KCNV2: variants seen among roughly 807,000 people sequenced by gnomAD.
KCNV2 encodes the protein potassium voltage-gated channel subfamily V member 2.
A neutral mutation model predicts 37.0 loss-of-function variants in KCNV2; 65 were observed. That is an observed-to-expected ratio of 1.76 (90% CI 1.44 to 2.16). The LOEUF (loss-of-function observed/expected upper bound fraction) is 2.16. KCNV2 is among the 30% of genes most tolerant of loss of function. KCNV2 has a pLI of 0.00. For synonymous variants in KCNV2, 518 were observed against 328.6 expected (o/e 1.58, Z -6.23); for missense variants, 1,232 against 766.7 (o/e 1.61, Z -7.17).
intron 1 of KCNV2, among the ~76,000 whole-genome samples, chr9:2,726,182 C>T (rs978534988): frequency 5.3e-5 from 8 of 152,076 alleles, no homozygotes; most frequent in Admixed American, 3.9e-4. Context: ...ATGGCTTGGC[C>T]TATGGAATGT....
In KCNV2 at chr9:2,718,281, T is replaced by C. The variant is rs915176607; in HGVS notation, c.542T>C (p.Phe181Ser). Reference sequence around the variant, plus strand: ...CTCGACGGGCTGTGTCCGCGCCGCTTCCTGGAGGAGCTGGGCTACTGGGGC... The same window carrying C: ...CTCGACGGGCTGTGTCCGCGCCGCTCCCTGGAGGAGCTGGGCTACTGGGGC... ...LVLDGLCPRR[F>S]LEELGYWGVR... Residue 181 changes from phenylalanine (F) to serine (S), a missense_variant, in exon 1 of 2, where the codon TTC becomes TCC. Coordinates refer to ENST00000382082, the MANE Select transcript of KCNV2 (RefSeq NM_133497.4). 2 of 1,611,872 alleles carry C rather than the reference T, an allele frequency of 1.2e-6. No individual in the cohort carries two copies. Among genetic ancestry groups the C allele is most frequent in the Middle Eastern group, 3.3e-4 (2 of 6,034 alleles).
At chr9:2,721,293 T>C (rs916717936) in intron 1 of KCNV2, among the ~76,000 whole-genome samples, 1 of 152,210 alleles carries the variant, frequency 6.6e-6, no homozygotes, top group Non-Finnish European at 1.5e-5. Flanking sequence ...TGATCATCTG[T>C]ATTTATTTCT....
chr9:2,729,589 CAGCAAGCTGA>C lies in KCNV2; in HGVS notation c.1503_1512del (p.Ser501ArgfsTer15), dbSNP rs1820030325. Reference sequence around the variant, plus strand: ...TCTACAACAAGTTTTCTGATTACTACAGCAAGCTGAAGGCTTATGAGTATACCACCATACG... The same window carrying C: ...TCTACAACAAGTTTTCTGATTACTACAGGCTTATGAGTATACCACCATACG... On this transcript the variant is annotated frameshift_variant, in exon 2 of 2. Coordinates refer to ENST00000382082, the MANE Select transcript of KCNV2 (RefSeq NM_133497.4). LOFTEE classifies it high-confidence loss of function. 1 of 1,614,074 alleles carries C rather than the reference CAGCAAGCTGA, an allele frequency of 6.2e-7. No individual in the cohort carries two copies. The highest frequency in any genetic ancestry group is 8.5e-7 in the Non-Finnish European group (1 of 1,180,004).
chr9:2,719,631 C>T (rs185596526), intron 1 of KCNV2, among the ~76,000 whole-genome samples: 43 of 152,328 alleles, frequency 2.8e-4, no homozygotes, highest in Non-Finnish European at 5.9e-4. Context: ...AGAAGCATCT[C>T]AAACTGAAAC....
intron 1 of KCNV2, among the ~76,000 whole-genome samples, chr9:2,726,388 T>C (rs1374202882): frequency 2.0e-5 from 3 of 152,140 alleles, no homozygotes. Context: ...AAATAGAGAT[T>C]GAAGATATAC....
In KCNV2 at chr9:2,718,382, A is replaced by G; in HGVS notation, c.643A>G (p.Lys215Glu). 1 of 1,601,020 alleles carries G rather than the reference A, an allele frequency of 6.2e-7. No homozygotes were observed. The highest frequency in any genetic ancestry group is 8.5e-7 in the Non-Finnish European group (1 of 1,175,156). Residue 215 changes from lysine to glutamate, a missense_variant, in exon 1 of 2, where the codon AAG becomes GAG. Physicochemically the swap from Lys to Glu is moderately conservative, Grantham distance 56 (BLOSUM62 1). Transcript: ENST00000382082. ...GCGCGACGAGCTGAGCGAACGGCTC[A>G]AGATCCAGCACGAGCTGCGCGCGCA... Reference protein sequence around the residue: ...ERRDELSERLKIQHELRAQAQ... With the variant: ...ERRDELSERLEIQHELRAQAQ...
rs377667539 is a variant in KCNV2, at chr9:2,718,193, G to C, written c.454G>C (p.Asp152His). 1 of 1,613,320 alleles carries C rather than the reference G, an allele frequency of 6.2e-7. No individual in the cohort carries two copies. Among genetic ancestry groups the C allele is most frequent in the Non-Finnish European group, 8.5e-7 (1 of 1,179,846 alleles). The change falls in exon 1 of 2, where the codon GAC becomes CAC. Residue 152 changes from aspartate to histidine, a missense_variant. By Grantham distance (81) the Asp-to-His change is moderately conservative. Coordinates refer to ENST00000382082, the MANE Select transcript of KCNV2 (RefSeq NM_133497.4). ...GGAGCAGACAGACGAATACTTCTTCGACCGCGACCCGGCCGTCTTCCAGCT... is the reference window on the plus strand; with the variant it reads ...GGAGCAGACAGACGAATACTTCTTCCACCGCGACCCGGCCGTCTTCCAGCT... ...YEEQTDEYFF[D>H]RDPAVFQLVY... is the part of the protein sequence containing the mutation.
Position 2,728,294 on chromosome 9 carries a change from A to G in KCNV2, c.1357-1152A>G. Among the ~76,000 whole-genome samples the G allele has an allele frequency of 1.3e-5, 2 of 152,208 alleles. 1 individual carries two copies. Among genetic ancestry groups the G allele is most frequent in the East Asian group, 3.8e-4 (2 of 5,202 alleles). ...GAAAATTATGGCAACAACTACCCAAATACACAAAGCAAAGAGTGCCCCCCT... is the reference window on the plus strand; with the variant it reads ...GAAAATTATGGCAACAACTACCCAAGTACACAAAGCAAAGAGTGCCCCCCT... On this transcript the variant is annotated intron_variant, in intron 1 of 1. Transcript: ENST00000382082.
At chr9:2,724,875 C>T (rs777465514) in intron 1 of KCNV2, among the ~76,000 whole-genome samples, 1 of 152,190 alleles carries the variant, frequency 6.6e-6, no homozygotes, top group Non-Finnish European at 1.5e-5. Context: ...GGGTGTCAGG[C>T]TTGGGACTAA....
At position 2,718,567 on chromosome 9, in the gene KCNV2, G is replaced by A. The variant is rs144330480; in HGVS notation, c.828G>A (p.Ala276=). 1,540 of 1,612,502 alleles carry A rather than the reference G, an allele frequency of 9.6e-4. 3 individuals are homozygous for A. Among genetic ancestry groups the A allele is most frequent in the Admixed American group, 1.5e-3 (91 of 59,952 alleles). The change falls in exon 1 of 2, where the codon GCG becomes GCA. Residue 276 remains alanine (A), a synonymous_variant. Coordinates refer to ENST00000382082, the MANE Select transcript of KCNV2 (RefSeq NM_133497.4). ...CCTTCGTGCTCGTCTCCGTGGTGGC[G>A]CTGGCGCTCAACACCGTGGAGGAGA... is the stretch of plus-strand genomic sequence containing the variant. ...SSTFVLVSVV[A]LALNTVEEMQ...
rs2130867465 is a variant in KCNV2, at chr9:2,726,965, C to T, written c.1357-2481C>T. ...GTTTCATCCCGAAACCATCCCCTCC[C>T]CCAACCCCGTCCATGGGAAAAATGG... On this transcript the variant is annotated intron_variant, in intron 1 of 1. Coordinates refer to ENST00000382082, the MANE Select transcript of KCNV2 (RefSeq NM_133497.4). Among the ~76,000 whole-genome samples, 3 of 152,288 alleles carry T rather than the reference C, an allele frequency of 2.0e-5. No individual in the cohort carries two copies. The Middle Eastern group carries it at 0.01, about 518-fold the overall frequency.
rs755310140 is a variant in KCNV2, at chr9:2,718,330, C to A, written c.591C>A (p.Arg197=). 1.2e-6 allele frequency: 2 copies of A among 1,603,882 alleles called. No homozygotes were observed. The highest frequency in any genetic ancestry group is 1.7e-5 in the Admixed American group (1 of 58,740). Reference sequence around the variant, plus strand: ...GCGTGCGGCTCAAGTACACGCCACGCTGCTGCCGCATCTGCTTCGAGGAGC... The same window carrying A: ...GCGTGCGGCTCAAGTACACGCCACGATGCTGCCGCATCTGCTTCGAGGAGC... ...YWGVRLKYTP[R]CCRICFEERR... Residue 197 remains arginine (R), a synonymous_variant, in exon 1 of 2, where the codon CGC becomes CGA. Coordinates refer to ENST00000382082, the MANE Select transcript of KCNV2 (RefSeq NM_133497.4).
rs1234140054 is a variant in KCNV2, at chr9:2,718,707, C to G, written c.968C>G (p.Ser323Cys). 7 of 1,613,042 alleles carry G rather than the reference C, an allele frequency of 4.3e-6. No homozygotes were observed. The highest frequency in any genetic ancestry group is 5.9e-6 in the Non-Finnish European group (7 of 1,179,874). Residue 323 changes from serine to cysteine, a missense_variant, in exon 1 of 2, where the codon TCC becomes TGC. Physicochemically the swap from Ser to Cys is moderately radical, Grantham distance 112 (BLOSUM62 -1). Coordinates refer to ENST00000382082, the MANE Select transcript of KCNV2 (RefSeq NM_133497.4). ...CTCGAGTACCTGCTGCGCCTAGCCT[C>G]CACGCCCGACCTGAGGCGCTTCGCG... ...FTLEYLLRLA[S>C]TPDLRRFARS...
chr9:2,726,266 T>C (rs1819965893), intron 1 of KCNV2, among the ~76,000 whole-genome samples: 1 of 152,180 alleles, frequency 6.6e-6, no homozygotes, highest in African/African-American at 2.4e-5. Context: ...AGATCACTTG[T>C]TGAGTCAAAT....
intron 1 of KCNV2, among the ~76,000 whole-genome samples, chr9:2,728,607 G>T (rs538633717): frequency 6.6e-6 from 1 of 152,290 alleles, no homozygotes; most frequent in East Asian, 1.9e-4. Flanking sequence ...CATATTTTTG[G>T]TGAGTGATGT....
At chr9:2,721,276 A>G (rs1819862895) in intron 1 of KCNV2, among the ~76,000 whole-genome samples, 1 of 152,222 alleles carries the variant, frequency 6.6e-6, no homozygotes, top group Non-Finnish European at 1.5e-5. Flanking sequence ...CAAATTAGAT[A>G]AAAGACTGAT....
chr9:2,728,881 T>TAAAAAAAAAA (rs60674628), intron 1 of KCNV2, among the ~76,000 whole-genome samples: 3 of 98,382 alleles, frequency 3.0e-5, no homozygotes, highest in Non-Finnish European at 4.7e-5. Flanking sequence ...CTGTTTTAAA[T>TAAAAAAAAAA]AAAAAAAAAA....
Position 2,718,425 on chromosome 9 carries a change from C to T in KCNV2, c.686C>T (p.Ala229Val), listed in dbSNP as rs754945632. 2 of 1,605,240 alleles carry T rather than the reference C, an allele frequency of 1.2e-6. No homozygotes were observed. Among genetic ancestry groups the T allele is most frequent in the South Asian group, 1.1e-5 (1 of 90,002 alleles). The change falls in exon 1 of 2, where the codon GCG becomes GTG. Residue 229 changes from alanine (A) to valine (V), a missense_variant. By Grantham distance (64) the Ala-to-Val change is moderately conservative (BLOSUM62 0). Coordinates refer to ENST00000382082, the MANE Select transcript of KCNV2 (RefSeq NM_133497.4). Reference sequence around the variant, plus strand: ...CGCGCGCAGGCGCAGGTCGAGGAGGCGGAGGAACTCTTCCGCGACATGCGC... The same window carrying T: ...CGCGCGCAGGCGCAGGTCGAGGAGGTGGAGGAACTCTTCCGCGACATGCGC... ...ELRAQAQVEE[A>V]EELFRDMRFY...
At chr9:2,727,640 C>T (rs961579053) in intron 1 of KCNV2, among the ~76,000 whole-genome samples, 1 of 152,032 alleles carries the variant, frequency 6.6e-6, no homozygotes, top group African/African-American at 2.4e-5. Flanking sequence ...GTAGAATGCA[C>T]TCAATAAATG....
Sources: allele counts gnomAD v4.1 joint callset (sites outside exome capture counted in the v4.1 genomes callset), GRCh38; gene constraint gnomAD v4.1.1; transcripts MANE v1.5; gene names NCBI Gene and HGNC (gene_info 2026-07-23, HGNC 2026-07-21).